The following PHLDB2 variants were observed in gnomAD, a reference collection of about 807,000 sequenced individuals.
PHLDB2 encodes the protein pleckstrin homology-like domain family B member 2.
PHLDB2 carries 71 observed loss-of-function variants against 123.6 expected under a neutral mutation model. The ratio of observed to expected loss-of-function variants is 0.57; its 90% CI spans 0.47 to 0.70. PHLDB2 has a LOEUF of 0.70. PHLDB2 is among the 30% of genes least tolerant of loss of function. The pLI is 0.00. For synonymous variants in PHLDB2, 547 were observed against 541.6 expected (o/e 1.01, Z -0.14); for missense variants, 1,446 against 1,519.5 (o/e 0.95, Z 0.80).
intron 16 of PHLDB2, among the ~76,000 whole-genome samples, chr3:111,971,024 G>A (rs1461322751): frequency 6.6e-6 from 1 of 152,164 alleles, no homozygotes; most frequent in African/African-American, 2.4e-5. Flanking sequence ...CTCTTTGGGT[G>A]AGGTTCCAGT....
intron 10 of PHLDB2, among the ~76,000 whole-genome samples, chr3:111,950,052 G>A (rs961048924): frequency 6.6e-6 from 1 of 152,040 alleles, no homozygotes; most frequent in Non-Finnish European, 1.5e-5. Context: ...TGTGTTCTAA[G>A]AGTGTTAGAA....
chr3:111,799,552 A>C (rs992428165), intron 1 of PHLDB2, among the ~76,000 whole-genome samples: 1 of 152,216 alleles, frequency 6.6e-6, no homozygotes, highest in Non-Finnish European at 1.5e-5. Context: ...AATCAGAAAA[A>C]AGAAATTCTA....
At chr3:111,801,007 C>T (rs1225912890) in intron 1 of PHLDB2, among the ~76,000 whole-genome samples, 5 of 152,126 alleles carry the variant, frequency 3.3e-5, no homozygotes, top group African/African-American at 1.2e-4. Flanking sequence ...ATAGAAGAGA[C>T]CTTAAATAAT....
Position 111,769,706 on chromosome 3 carries a change from G to T in PHLDB2, c.-49+37003G>T, listed in dbSNP as rs576715979. Among the ~76,000 whole-genome samples the T allele has an allele frequency of 1.1e-3, 168 of 152,350 alleles. 1 individual carries two copies. Among genetic ancestry groups the T allele is most frequent in the Non-Finnish European group, 2.0e-3 (133 of 68,044 alleles). On this transcript the variant is annotated intron_variant, in intron 1 of 17. Transcript: ENST00000393923. ...AAAACAAGTGCTTACATTCTTAGCT[G>T]TCTGGATGTGCAATATTATCTACAA...
rs144824770 is a variant in PHLDB2 at position 111,948,986 on chromosome 3, T to A, written c.2542T>A (p.Ser848Thr). The stretch of plus-strand genomic sequence containing the variant: ...GCCGTGTGGCAATTCCACGAATCTA[T>A]CCCCTTCCACTCAGTTTCCTGCTGA... ...NEPCGNSTNL[S>T]PSTQFPADAD... Residue 848 changes from serine to threonine, a missense_variant, in exon 10 of 18, where the codon TCC (serine) becomes ACC (threonine). By Grantham distance (58) the Ser-to-Thr change is moderately conservative. This residue lies in a region of PHLDB2 where 594 missense variants were observed against 646.0 expected (regional missense o/e 0.92). Coordinates refer to ENST00000431670, the MANE Select transcript of PHLDB2 (RefSeq NM_001134438.2). 105 of 1,614,020 alleles carry A rather than the reference T, an allele frequency of 6.5e-5. No individual in the cohort carries two copies. The African/African-American group carries it at 1.2e-3, about 18-fold the overall frequency.
intron 2 of PHLDB2, among the ~76,000 whole-genome samples, chr3:111,848,490 A>G (rs761411453): frequency 2.0e-5 from 3 of 152,228 alleles, no homozygotes; most frequent in Non-Finnish European, 4.4e-5. Flanking sequence ...AGTAAAAAGC[A>G]TAAGTGCTTT....
intron 8 of PHLDB2, 62 bp downstream of exon 8, chr3:111,940,707 G>T: frequency 2.1e-6 from 2 of 964,042 alleles, no homozygotes; most frequent in East Asian, 5.6e-5. Context: ...CAGGGAAATT[G>T]CCCCCTTTAA....
At chr3:111,843,122 TGG>T (rs2063769936) in intron 1 of PHLDB2, among the ~76,000 whole-genome samples, 2 of 152,038 alleles carry the variant, frequency 1.3e-5, no homozygotes, top group African/African-American at 4.8e-5. Flanking sequence ...TACGTAGGAG[TGG>T]AATTTCTGGA....
At chr3:111,966,500 CAT>C (rs537037745) in intron 13 of PHLDB2, 111 bp from the exon 14 acceptor site, 102,950 of 415,928 alleles carry the variant, frequency 0.25, 8,142 homozygotes, top group African/African-American at 0.33. Flanking sequence ...CCCTTGACCC[CAT>C]GTGTGTGTGT....
chr3:111,909,000 G>T lies in PHLDB2; in HGVS notation c.1336-4319G>T, dbSNP rs566624663. ...AGAAATGTGACCCATTTTTGTGCAG[G>T]TACCTCATTCCTCTTCCCCCAAAAG... On this transcript the variant is annotated intron_variant, in intron 2 of 17. Transcript: ENST00000431670. Among the ~76,000 whole-genome samples, 246 of 152,128 alleles carry T rather than the reference G, an allele frequency of 1.6e-3. 2 individuals are homozygous for T. In the Middle Eastern group the frequency reaches 0.02, roughly 13 times the overall value.
At chr3:111,778,934 T>C (rs28648833) in intron 1 of PHLDB2, among the ~76,000 whole-genome samples, 40,703 of 152,072 alleles carry the variant, frequency 0.27, 6,906 homozygotes, top group African/African-American at 0.48. Context: ...TCCTTACTGA[T>C]TCCCTTTAGC....
chr3:111,947,699 C>T (rs2070404601), intron 9 of PHLDB2, among the ~76,000 whole-genome samples: 1 of 152,110 alleles, frequency 6.6e-6, no homozygotes, highest in African/African-American at 2.4e-5. Flanking sequence ...TGAACTTGAC[C>T]TAGTTGACTA....
At chr3:111,744,708 C>T (rs150214332) in intron 1 of PHLDB2, among the ~76,000 whole-genome samples, 3 of 152,322 alleles carry the variant, frequency 2.0e-5, no homozygotes, top group African/African-American at 7.2e-5. Context: ...TCATTACTAG[C>T]TGTGTGAACT....
At chr3:111,796,027 G>C (rs2061144762) in intron 1 of PHLDB2, among the ~76,000 whole-genome samples, 1 of 152,186 alleles carries the variant, frequency 6.6e-6, no homozygotes, top group Admixed American at 6.5e-5. Context: ...CTCCTGAGTA[G>C]CTGGGATTAC....
chr3:111,763,313 A>C (rs1251871446), intron 1 of PHLDB2, among the ~76,000 whole-genome samples: 12 of 152,320 alleles, frequency 7.9e-5, no homozygotes, highest in Non-Finnish European at 1.5e-5. Flanking sequence ...GCGAACTGCA[A>C]ACTGCACAGG....
chr3:111,956,264 T>C (rs1055523924), intron 12 of PHLDB2, among the ~76,000 whole-genome samples: 6 of 152,282 alleles, frequency 3.9e-5, no homozygotes, highest in African/African-American at 1.4e-4. Flanking sequence ...AGTAAATAAA[T>C]AGATTAGCAA....
intron 1 of PHLDB2, among the ~76,000 whole-genome samples, chr3:111,777,873 C>T (rs1460466661): frequency 6.6e-6 from 1 of 151,534 alleles, no homozygotes; most frequent in Non-Finnish European, 1.5e-5. Context: ...TGTTTTACCC[C>T]AGTATAGATG....
At chr3:111,920,257 T>G in intron 4 of PHLDB2, 25 bp from the exon 5 acceptor site, 1 of 1,608,218 alleles carries the variant, frequency 6.2e-7, no homozygotes. Flanking sequence ...GTGAAACACT[T>G]CTGAGCTTTG....
chr3:111,834,847 T>A (rs1423514388), intron 1 of PHLDB2, among the ~76,000 whole-genome samples: 3 of 152,144 alleles, frequency 2.0e-5, no homozygotes, highest in Admixed American at 1.3e-4. Context: ...GCTATATTTT[T>A]AAGTCTTTTT....
Sources: allele counts gnomAD v4.1 joint callset (sites outside exome capture counted in the v4.1 genomes callset), GRCh38; gene constraint gnomAD v4.1.1; regional missense constraint gnomAD v4.1.1; transcripts MANE v1.5; gene names NCBI Gene and HGNC (gene_info 2026-07-23, HGNC 2026-07-21).